NCAM2: variants seen among roughly 807,000 people sequenced by gnomAD.
The protein encoded by NCAM2 is N-CAM-2.
A neutral mutation model predicts 98.1 loss-of-function variants in NCAM2; 30 were observed. The ratio of observed to expected loss-of-function variants is 0.31; its 90% CI spans 0.23 to 0.41. The LOEUF (loss-of-function observed/expected upper bound fraction) is 0.41. Ranked by LOEUF, NCAM2 falls within the 10% of genes least tolerant of loss-of-function variation. The probability of loss-of-function intolerance (pLI) is 1.00; values close to 1 mark genes in which losing one functional copy is unlikely to be tolerated. For missense variants in NCAM2, 867 were observed against 1,005.8 expected (o/e 0.86, Z 1.87); for synonymous variants, 368 against 342.4 (o/e 1.07, Z -0.83).
At chr21:21,480,191 C>G (rs1985714862) in intron 15 of NCAM2, among the ~76,000 whole-genome samples, 1 of 151,640 alleles carries the variant, frequency 6.6e-6, no homozygotes, top group African/African-American at 2.4e-5. Flanking sequence ...ACAGTGAAAC[C>G]CCATCTCTAC....
intron 1 of NCAM2, among the ~76,000 whole-genome samples, chr21:21,133,874 AG>A (rs2066986580): frequency 6.6e-6 from 1 of 152,178 alleles, no homozygotes; most frequent in African/African-American, 2.4e-5. Context: ...TCCATCAGAA[AG>A]GGGAGAAAGT....
At chr21:21,343,394 C>CACACACAT (rs1021014994) in intron 8 of NCAM2, among the ~76,000 whole-genome samples, 5 of 151,218 alleles carry the variant, frequency 3.3e-5, no homozygotes, top group African/African-American at 1.2e-4. Context: ...CACACACACA[C>CACACACAT]AATCTTCATG....
chr21:21,430,555 C>A (rs1461520342), intron 11 of NCAM2, among the ~76,000 whole-genome samples: 1 of 151,958 alleles, frequency 6.6e-6, no homozygotes, highest in East Asian at 1.9e-4. Context: ...GGCACCTTCA[C>A]AGGGCGGCAG....
chr21:21,285,674 A>C (rs1308979196), intron 3 of NCAM2, among the ~76,000 whole-genome samples: 1 of 151,936 alleles, frequency 6.6e-6, no homozygotes, highest in Non-Finnish European at 1.5e-5. Flanking sequence ...ATGTTCACTC[A>C]TTCATTCATT....
At chr21:21,394,613 A>G (rs913729735) in intron 9 of NCAM2, among the ~76,000 whole-genome samples, 2 of 149,752 alleles carry the variant, frequency 1.3e-5, no homozygotes, top group African/African-American at 4.9e-5. Flanking sequence ...CTCAGCCTCC[A>G]GAGTAGCTGG....
At chr21:21,276,920 TATAA>T (rs1177282868) in intron 1 of NCAM2, among the ~76,000 whole-genome samples, 89 of 152,200 alleles carry the variant, frequency 5.8e-4, no homozygotes, top group Admixed American at 3.3e-3. Flanking sequence ...AGATGTTTAA[TATAA>T]ATAAATTAAT....
intron 1 of NCAM2, among the ~76,000 whole-genome samples, chr21:21,245,520 C>T (rs115662906): frequency 0.014 from 2,161 of 152,256 alleles, 60 homozygotes; most frequent in African/African-American, 0.049. Context: ...CTGCAGTGGC[C>T]AGACGTGTCC....
intron 12 of NCAM2, 138 bp downstream of exon 12, chr21:21,432,419 A>C: frequency 2.8e-6 from 2 of 722,256 alleles, no homozygotes; most frequent in Non-Finnish European, 4.4e-6. Context: ...TCTGTGCCCC[A>C]TTCTTCTTGA....
chr21:21,434,327 G>T (rs1338836029), intron 12 of NCAM2, among the ~76,000 whole-genome samples: 1 of 152,188 alleles, frequency 6.6e-6, no homozygotes, highest in African/African-American at 2.4e-5. Context: ...TGCGTGCATA[G>T]AATGTTTAGT....
chr21:21,166,627 T>C (rs1038557872), intron 1 of NCAM2, among the ~76,000 whole-genome samples: 22 of 152,184 alleles, frequency 1.4e-4, no homozygotes, highest in African/African-American at 5.3e-4. Flanking sequence ...TTGCTAGAAT[T>C]GCTACAATTC....
At chr21:21,216,877 A>G (rs1014745789) in intron 1 of NCAM2, among the ~76,000 whole-genome samples, 8 of 152,220 alleles carry the variant, frequency 5.3e-5, no homozygotes, top group African/African-American at 1.9e-4. Context: ...AATTAAAAGA[A>G]AAGAAAATCA....
At chr21:21,039,957 C>T (rs2064870646) in intron 1 of NCAM2, among the ~76,000 whole-genome samples, 1 of 152,138 alleles carries the variant, frequency 6.6e-6, no homozygotes, top group Non-Finnish European at 1.5e-5. Context: ...AGAGGGGACT[C>T]TGTGATGAGT....
At position 21,335,499 on chromosome 21, in the gene NCAM2, C is replaced by T. The variant is rs1198336879; in HGVS notation, c.738-6C>T. On this transcript the variant is annotated splice_polypyrimidine_tract_variant and splice_region_variant and intron_variant, in intron 6 of 17. Transcript: ENST00000400546. ...TGTGAGGATGAACCTCTTTTTTCTT[C>T]TTTAGGAATGGCAAGCTCATTGAAG... The T allele has an allele frequency of 4.5e-6, 7 of 1,572,910 alleles. No individual in the cohort carries two copies. The Admixed American group carries it at 7.8e-5, about 18-fold the overall frequency.
intron 16 of NCAM2, among the ~76,000 whole-genome samples, chr21:21,527,516 A>T (rs1989393130): frequency 6.6e-6 from 1 of 152,190 alleles, no homozygotes; most frequent in South Asian, 2.1e-4. Context: ...TATAATAAAA[A>T]GAAGAGCCCA....
chr21:21,223,928 T>G (rs113543216), intron 1 of NCAM2, among the ~76,000 whole-genome samples: 81 of 152,050 alleles, frequency 5.3e-4, no homozygotes, highest in Non-Finnish European at 1.0e-3. Context: ...TCAAACACAA[T>G]TGGAGAGGCC....
intron 1 of NCAM2, among the ~76,000 whole-genome samples, chr21:21,127,524 G>A (rs2066852207): frequency 6.6e-6 from 1 of 151,920 alleles, no homozygotes; most frequent in African/African-American, 2.4e-5. Flanking sequence ...AACTATAGTA[G>A]CCTTATTGTG....
intron 5 of NCAM2, among the ~76,000 whole-genome samples, chr21:21,301,542 C>G (rs954509103): frequency 9.6e-6 from 1 of 104,220 alleles, no homozygotes; most frequent in Non-Finnish European, 1.9e-5. Flanking sequence ...CCCCTCCCCC[C>G]ACCCCACCAC....
chr21:21,318,705 GTTAA>G (rs1361289041), intron 5 of NCAM2, among the ~76,000 whole-genome samples: 2 of 151,840 alleles, frequency 1.3e-5, no homozygotes, highest in African/African-American at 4.8e-5. Context: ...TTCAATTATG[GTTAA>G]TTAAATATAG....
chr21:21,039,040 T>C (rs569409580), intron 1 of NCAM2, among the ~76,000 whole-genome samples: 2 of 152,300 alleles, frequency 1.3e-5, no homozygotes, highest in African/African-American at 4.8e-5. Flanking sequence ...CTATTAATAA[T>C]CCCCATAAAG....
Sources: allele counts gnomAD v4.1 joint callset (sites outside exome capture counted in the v4.1 genomes callset), GRCh38; gene constraint gnomAD v4.1.1; transcripts MANE v1.5; gene names NCBI Gene and HGNC (gene_info 2026-07-23, HGNC 2026-07-21).